The following YTHDC2 variants were observed in gnomAD, a reference collection of about 807,000 sequenced individuals.
YTHDC2 encodes YTH N6-methyladenosine RNA binding protein C2.
A neutral mutation model predicts 174.9 loss-of-function variants in YTHDC2; 45 were observed. The observed-to-expected ratio is 0.26, with a 90% CI of 0.20 to 0.33. YTHDC2 has a LOEUF of 0.33. Among genes scored for constraint, YTHDC2 ranks in the 10% least tolerant of loss-of-function variants. The pLI, the probability that YTHDC2 is intolerant of heterozygous loss-of-function variation, is 1.00. For synonymous variants in YTHDC2, 657 were observed against 574.5 expected, an observed-to-expected ratio of 1.14 and a Z score of -2.05; for missense variants, 1,650 against 1,723.7, an observed-to-expected ratio of 0.96 and a Z score of 0.76.
intron 20 of YTHDC2, among the ~76,000 whole-genome samples, chr5:113,565,354 G>A (rs977060315): frequency 6.6e-6 from 1 of 152,094 alleles, no homozygotes; most frequent in African/African-American, 2.4e-5. Flanking sequence ...TTTTCCCCCA[G>A]CTCCTTCAAA....
chr5:113,579,599 C>G lies in YTHDC2; in HGVS notation c.3258C>G (p.Pro1086=). The G allele has an allele frequency of 6.2e-7, 1 of 1,602,982 alleles. No individual in the cohort carries two copies. Among genetic ancestry groups the G allele is most frequent in the Non-Finnish European group, 8.5e-7 (1 of 1,174,302 alleles). ...GTACTTGGACAGTGGATGGCATTCCCAATGACAGTAGTGATAGTGAAATGG... is the reference window on the plus strand; with the variant it reads ...GTACTTGGACAGTGGATGGCATTCCGAATGACAGTAGTGATAGTGAAATGG... ...EPSSFRVDGI[P]NDSSDSEMED... Residue 1086 remains proline (P), a synonymous_variant, in exon 24 of 30, where the codon CCC becomes CCG. Transcript: ENST00000161863.
Position 113,592,186 on chromosome 5 carries a change from A to G in YTHDC2, c.4212+8A>G, listed in dbSNP as rs772577754. On this transcript the variant is annotated splice_region_variant and intron_variant, in intron 28 of 29. Transcript: ENST00000161863. ...ATAAGCAGGGATGGGCAGGTATACA[A>G]TGGCATTTTTTTTTTTATTTACTTT... The G allele has an allele frequency of 1.9e-6, 3 of 1,558,606 alleles. No homozygotes were observed. The highest frequency in any genetic ancestry group is 2.6e-6 in the Non-Finnish European group (3 of 1,163,882).
intron 18 of YTHDC2, among the ~76,000 whole-genome samples, chr5:113,562,705 T>C (rs1385749106): frequency 1.3e-5 from 2 of 152,210 alleles, no homozygotes; most frequent in Non-Finnish European, 2.9e-5. Flanking sequence ...TTATTCCTTA[T>C]ATAGTTACTC....
rs770355026 is a variant in YTHDC2 at position 113,584,373 on chromosome 5, C to G, written c.3719C>G (p.Pro1240Arg). 1.2e-6 allele frequency: 2 copies of G among 1,613,832 alleles called. No homozygotes were observed. The highest frequency in any genetic ancestry group is 1.7e-5 in the Admixed American group (1 of 60,018). ...TACAAAGATAGAGGAATTTTACATC[C>G]TAAACGAGGTACTGAGGACCGATCA... Reference protein sequence around the residue: ...QKYKDRGILHPKRGTEDRSDQ... With the variant: ...QKYKDRGILHRKRGTEDRSDQ... The change falls in exon 26 of 30, where the codon CCT becomes CGT. Residue 1240 changes from proline (P) to arginine (R), a missense_variant. Coordinates refer to ENST00000161863, the MANE Select transcript of YTHDC2 (RefSeq NM_022828.5).
chr5:113,562,103 T>G (rs1442324974), intron 18 of YTHDC2, among the ~76,000 whole-genome samples: 2 of 151,466 alleles, frequency 1.3e-5, no homozygotes, highest in African/African-American at 4.9e-5. Context: ...TAATGCTGGC[T>G]TCCCAACCCT....
At chr5:113,563,536 A>C (rs1561678567) in intron 19 of YTHDC2, 44 bp downstream of exon 19, 1 of 1,540,044 alleles carries the variant, frequency 6.5e-7, no homozygotes, top group Non-Finnish European at 8.7e-7. Flanking sequence ...TTTTTACTTG[A>C]AATTTTAAAC....
chr5:113,545,301 CT>C (rs1775784065), intron 10 of YTHDC2, among the ~76,000 whole-genome samples: 1 of 151,640 alleles, frequency 6.6e-6, no homozygotes, highest in Non-Finnish European at 1.5e-5. Context: ...CTTTTTTTTT[CT>C]CTTTGTAAAT....
intron 3 of YTHDC2, among the ~76,000 whole-genome samples, chr5:113,525,428 T>G (rs1774147788): frequency 6.6e-6 from 1 of 152,086 alleles, no homozygotes; most frequent in South Asian, 2.1e-4. Flanking sequence ...GCATTAACTG[T>G]GTATGAGGCA....
intron 25 of YTHDC2, chr5:113,583,308 C>T (rs1294484807): frequency 6.6e-6 from 1 of 151,730 alleles, no homozygotes; most frequent in Non-Finnish European, 1.5e-5. Flanking sequence ...AATATGTAAG[C>T]CAAAACAGAA....
chr5:113,583,847 T>C (rs1303486458), intron 25 of YTHDC2: 2 of 152,644 alleles, frequency 1.3e-5, no homozygotes, highest in Non-Finnish European at 2.9e-5. Context: ...ATCCAGTGTT[T>C]TAACAAGAAT....
chr5:113,566,410 TG>T (rs1777331391), intron 21 of YTHDC2, among the ~76,000 whole-genome samples: 1 of 151,928 alleles, frequency 6.6e-6, no homozygotes, highest in South Asian at 2.1e-4. Context: ...TTCATATTTT[TG>T]GAACACAAAA....
chr5:113,531,134 T>C (rs1309551713), intron 4 of YTHDC2, among the ~76,000 whole-genome samples: 2 of 152,200 alleles, frequency 1.3e-5, no homozygotes, highest in African/African-American at 2.4e-5. Context: ...TGATTTTCTG[T>C]AGTTTGAAAA....
chr5:113,561,957 GGTGTGTGTGTGTGT>G (rs70973686), intron 18 of YTHDC2, among the ~76,000 whole-genome samples: 100 of 134,946 alleles, frequency 7.4e-4, no homozygotes, highest in Admixed American at 2.4e-3. Flanking sequence ...ATTAATTGTG[GGTGTGTGTGTGTGT>G]GTGTGTGTGT....
At chr5:113,564,407 T>C (rs994260409) in intron 20 of YTHDC2, among the ~76,000 whole-genome samples, 8 of 152,176 alleles carry the variant, frequency 5.3e-5, no homozygotes, top group African/African-American at 1.9e-4. Flanking sequence ...ACCAGGTTTC[T>C]TTAAATCATG....
chr5:113,540,229 A>G (rs867543868), intron 8 of YTHDC2, among the ~76,000 whole-genome samples: 1 of 152,198 alleles, frequency 6.6e-6, no homozygotes, highest in Admixed American at 6.5e-5. Context: ...ATCTCAGAAA[A>G]CTAGCGTGGT....
At chr5:113,553,467 A>G (rs1053935210) in intron 13 of YTHDC2, 108 bp downstream of exon 13, 44 of 1,398,792 alleles carry the variant, frequency 3.1e-5, no homozygotes, top group Non-Finnish European at 4.1e-5. Context: ...TAAGTGAATA[A>G]TCTCCTGTCA....
At chr5:113,529,445 C>G (rs1234354829) in intron 4 of YTHDC2, among the ~76,000 whole-genome samples, 1 of 152,118 alleles carries the variant, frequency 6.6e-6, no homozygotes. Flanking sequence ...ATTTTGATAG[C>G]TAGATTCACT....
intron 23 of YTHDC2, among the ~76,000 whole-genome samples, chr5:113,568,531 A>G (rs2112740387): frequency 6.6e-6 from 1 of 151,990 alleles, no homozygotes; most frequent in East Asian, 1.9e-4. Flanking sequence ...CCTCTACCAC[A>G]CACCCCCAGT....
chr5:113,573,555 G>A (rs1289771725), intron 23 of YTHDC2, among the ~76,000 whole-genome samples: 1 of 152,174 alleles, frequency 6.6e-6, no homozygotes, highest in Non-Finnish European at 1.5e-5. Context: ...ATATCCTGAA[G>A]TATGTTTTCC....
Sources: gnomAD v4.1 joint callset for allele counts (sites outside exome capture counted in the v4.1 genomes callset) on GRCh38, gnomAD v4.1.1 for gene constraint, MANE v1.5 for transcripts, NCBI Gene and HGNC (gene_info 2026-07-23, HGNC 2026-07-21) for gene names.